GCDH: variants seen among roughly 807,000 people sequenced by gnomAD.
GCDH encodes the protein glutaryl-CoA dehydrogenase, also known as glutaryl-CoA dehydrogenase, mitochondrial.
GCDH carries 31 observed loss-of-function variants against 52.8 expected under a neutral mutation model. That is an observed-to-expected ratio of 0.59 (90% confidence interval 0.44 to 0.79). GCDH has a LOEUF of 0.79. GCDH is among the 30% of genes least tolerant of loss of function. GCDH has a pLI of 0.00. For synonymous variants in GCDH, 242 were observed against 250.0 expected (o/e 0.97, Z 0.30); for missense variants, 509 against 595.0 (o/e 0.86, Z 1.50).
rs1970562334 is a variant in GCDH at position 12,891,774 on chromosome 19, G to A, written c.128-57G>A. On this transcript the variant is annotated intron_variant, in intron 3 of 11. Coordinates refer to ENST00000222214, the MANE Select transcript of GCDH (RefSeq NM_000159.4). Reference sequence around the variant, plus strand: ...TGGGGGGTAGGGCTGATGAGGGTCCGAGAAGGGAGGGCACAGTGATCTTGC... The same window carrying A: ...TGGGGGGTAGGGCTGATGAGGGTCCAAGAAGGGAGGGCACAGTGATCTTGC... The A allele has an allele frequency of 3.1e-5, 50 of 1,611,240 alleles. 1 individual carries two copies. In the South Asian group the frequency reaches 4.8e-4, roughly 16 times the overall value.
chr19:12,897,242 G>C (rs922106457), intron 9 of GCDH, 61 bp from the exon 10 acceptor site: 7 of 1,609,284 alleles, frequency 4.3e-6, no homozygotes, highest in Middle Eastern at 1.7e-4. Context: ...GGGGCCCCAG[G>C]ACAGGGACGG....
intron 11 of GCDH, chr19:12,899,013 G>C: frequency 2.6e-6 from 1 of 387,172 alleles, no homozygotes; most frequent in Non-Finnish European, 4.9e-6. Flanking sequence ...GGGTAAGAAA[G>C]GGCTTGCTGT....
intron 10 of GCDH, 30 bp downstream of exon 10, chr19:12,897,458 T>C: frequency 6.3e-7 from 1 of 1,590,332 alleles, no homozygotes; most frequent in East Asian, 2.2e-5. Context: ...GGCGGGGGGA[T>C]GGCAGCGGTG....
chr19:12,892,162 G>A lies in GCDH; in HGVS notation c.318G>A (p.Leu106=). ...CGGAGATGGGGGAGTTGGGTGTGCT[G>A]GGCCCCACCATCAAAGGTAGGAACA... The part of the protein sequence containing the change: ...IISEMGELGV[L]GPTIKGYGCA... Residue 106 remains leucine (L), a synonymous_variant, in exon 5 of 12, where the codon CTG becomes CTA. Coordinates refer to ENST00000222214, the MANE Select transcript of GCDH (RefSeq NM_000159.4). 1.2e-6 allele frequency: 2 copies of A among 1,614,058 alleles called. No individual in the cohort carries two copies. The highest frequency in any genetic ancestry group is 2.2e-5 in the East Asian group (1 of 44,882).
At chr19:12,895,259 ATTT>A (rs903255076) in intron 6 of GCDH, among the ~76,000 whole-genome samples, 1 of 149,374 alleles carries the variant, frequency 6.7e-6, no homozygotes, top group African/African-American at 2.5e-5. Flanking sequence ...GGCGAGGGTA[ATTT>A]TTTTTTTCTT....
intron 9 of GCDH, 101 bp from the exon 10 acceptor site, chr19:12,897,202 G>A (rs1970702193): frequency 6.7e-7 from 1 of 1,489,092 alleles, no homozygotes; most frequent in East Asian, 2.4e-5. Context: ...TGGGGGCACT[G>A]AGGCAGCCTG....
In GCDH at chr19:12,893,502, T is replaced by TTCGACTGTGGCCTATGGGCTC; in HGVS notation, c.357_358insACTGTGGCCTATGGGCTCTCG (p.Ser119_Ser120insThrValAlaTyrGlyLeuSer). The stretch of plus-strand genomic sequence containing the variant: ...CACCAGGATATGGCTGTGCTGGGGT[T>TTCGACTGTGGCCTATGGGCTC]TCGTCTGTGGCCTATGGGCTCCTGG... On this transcript the variant is annotated inframe_insertion, in exon 6 of 12. Transcript: ENST00000222214. 6.2e-7 allele frequency: 1 copy of TTCGACTGTGGCCTATGGGCTC among 1,614,106 alleles called. No individual in the cohort carries two copies. The highest frequency in any genetic ancestry group is 8.5e-7 in the Non-Finnish European group (1 of 1,179,972).
intron 6 of GCDH, chr19:12,894,500 GGACT>G: frequency 1.4e-6 from 1 of 711,364 alleles, no homozygotes. Context: ...GGGTATTCCT[GGACT>G]GACTGAGACT....
chr19:12,892,012 G>T (rs771646583), intron 4 of GCDH, 38 bp downstream of exon 4: 1 of 1,613,874 alleles, frequency 6.2e-7, no homozygotes, highest in African/African-American at 1.3e-5. Context: ...CTGCTCCTCC[G>T]CCTGGAGCCA....
chr19:12,899,984 G>T lies in GCDH; in HGVS notation c.*443G>T. Reference sequence around the variant, plus strand: ...TGCACATCTGACCCCAAGGTGTCAGGCCGGTTTACTGGTAACCACCTGAGA... The same window carrying T: ...TGCACATCTGACCCCAAGGTGTCAGTCCGGTTTACTGGTAACCACCTGAGA... On this transcript the variant is annotated 3_prime_UTR_variant, in exon 12 of 12. Coordinates refer to ENST00000222214, the MANE Select transcript of GCDH (RefSeq NM_000159.4). 1 of 1,612,886 alleles carries T rather than the reference G, an allele frequency of 6.2e-7. No individual in the cohort carries two copies. The highest frequency in any genetic ancestry group is 8.5e-7 in the Non-Finnish European group (1 of 1,179,958).
chr19:12,896,216 C>A lies in GCDH; in HGVS notation c.647C>A (p.Ser216Ter). 1 of 1,614,110 alleles carries A rather than the reference C, an allele frequency of 6.2e-7. No individual in the cohort carries two copies. The highest frequency in any genetic ancestry group is 1.3e-5 in the African/African-American group (1 of 75,022). The change falls in exon 8 of 12, where the codon TCG (serine) becomes TAG (stop). Residue 216 changes from serine (S) to a stop codon, truncating the protein, a stop_gained. Transcript: ENST00000222214. LOFTEE classifies it high-confidence loss of function. The surrounding 1 kb of genome is among the most constrained non-coding windows in gnomAD (Gnocchi z 5.5). ...TGTTCCATCCCCAGGATCACGAACT[C>A]GCCTATGGCCGATCTGTTTGTAGTG... is the stretch of plus-strand genomic sequence containing the variant. ...LNGTKTWITN[S>*]PMADLFVVWA...
rs897150389 is a variant in GCDH, at chr19:12,899,827, A to G, written c.*286A>G. On this transcript the variant is annotated 3_prime_UTR_variant, in exon 12 of 12. Coordinates refer to ENST00000222214, the MANE Select transcript of GCDH (RefSeq NM_000159.4). ...CAGCTTCTCTTGAGAGGAGAGTGAC[A>G]TGGAAGCAACTCCGTCTGCTGCAGC... 11 of 1,577,936 alleles carry G rather than the reference A, an allele frequency of 7.0e-6. No homozygotes were observed. The African/African-American group carries it at 1.3e-4, about 19-fold the overall frequency.
chr19:12,891,430 G>A (rs1446883234), intron 2 of GCDH, 35 bp downstream of exon 2: 27 of 1,614,082 alleles, frequency 1.7e-5, no homozygotes, highest in East Asian at 2.2e-5. Flanking sequence ...AGGGAAGGAG[G>A]GAGGAACTGG....
Position 12,896,874 on chromosome 19 carries a change from C to G in GCDH, c.853-36C>G. On this transcript the variant is annotated intron_variant, in intron 8 of 11. Coordinates refer to ENST00000222214, the MANE Select transcript of GCDH (RefSeq NM_000159.4). The surrounding 1 kb of genome is among the most constrained non-coding windows in gnomAD (Gnocchi z 5.5). ...TTCTGCATAGGCCCTCTTGGTGTCT[C>G]TTGGGTGGGCCTGAGGCGCCATCTC... 2.0e-6 allele frequency: 3 copies of G among 1,482,814 alleles called. No individual in the cohort carries two copies. The South Asian group carries it at 3.4e-5, about 17-fold the overall frequency. The allele number at this position is 1,482,814 out of a possible 1,614,324, so 91.9% of individuals were successfully genotyped here.
intron 6 of GCDH, among the ~76,000 whole-genome samples, chr19:12,895,777 ATTTTTTTTTT>A (rs56251518): frequency 9.1e-6 from 1 of 110,040 alleles, no homozygotes; most frequent in African/African-American, 3.5e-5. Context: ...ACATCTGGCT[ATTTTTTTTTT>A]TTTTTTTTTT....
intron 5 of GCDH, among the ~76,000 whole-genome samples, chr19:12,892,645 C>T (rs1266464168): frequency 6.6e-6 from 1 of 151,860 alleles, no homozygotes; most frequent in African/African-American, 2.4e-5. Flanking sequence ...TGCAGTGATG[C>T]AATCTTGGCT....
At chr19:12,892,885 T>C (rs1970592588) in intron 5 of GCDH, among the ~76,000 whole-genome samples, 1 of 150,338 alleles carries the variant, frequency 6.7e-6, no homozygotes, top group Non-Finnish European at 1.5e-5. Flanking sequence ...TTTTCTTTTT[T>C]TTTTTTTTTT....
chr19:12,897,957 A>G, intron 11 of GCDH, 94 bp downstream of exon 11: 1 of 1,041,212 alleles, frequency 9.6e-7, no homozygotes, highest in African/African-American at 1.6e-5. Context: ...GTCCAACTCC[A>G]CCTATCACTA....
chr19:12,897,339 G>A lies in GCDH; in HGVS notation c.993G>A (p.Leu331=), dbSNP rs1477463597. 3 of 1,613,778 alleles carry A rather than the reference G, an allele frequency of 1.9e-6. No individual in the cohort carries two copies. Among genetic ancestry groups the A allele is most frequent in the African/African-American group, 1.3e-5 (1 of 75,052 alleles). Residue 331 remains leucine (L), a synonymous_variant, in exon 10 of 12, where the codon CTG becomes CTA. Transcript: ENST00000222214. ...GTGTCCCACTGGCCAGGAACCAGCT[G>A]ATTCAGAAGAAGCTGGCAGACATGC... ...QFGVPLARNQ[L]IQKKLADMLT... is the part of the protein sequence containing the mutation.
Sources: gnomAD v4.1 joint callset for allele counts (sites outside exome capture counted in the v4.1 genomes callset) on GRCh38, gnomAD v4.1.1 for gene constraint, Gnocchi (gnomAD v3.1) non-coding constraint, MANE v1.5 for transcripts, NCBI Gene and HGNC (gene_info 2026-07-23, HGNC 2026-07-21) for gene names.